The following PARD3B variants were observed in gnomAD, a reference collection of about 807,000 sequenced individuals.
PARD3B encodes partitioning defective 3 homolog B.
A neutral mutation model predicts 130.2 loss-of-function variants in PARD3B; 103 were observed. The observed-to-expected ratio is 0.79, with a 90% CI of 0.67 to 0.93. The LOEUF (loss-of-function observed/expected upper bound fraction) is 0.93. PARD3B is among the 40% of genes least tolerant of loss of function. PARD3B has a pLI of 0.00. For missense variants in PARD3B, 1,609 were observed against 1,499.2 expected (o/e 1.07, Z -1.21); for synonymous variants, 583 against 553.2 (o/e 1.05, Z -0.76).
At chr2:205,375,693 G>C (rs1243089687) in intron 18 of PARD3B, among the ~76,000 whole-genome samples, 1 of 152,174 alleles carries the variant, frequency 6.6e-6, no homozygotes, top group Non-Finnish European at 1.5e-5. Flanking sequence ...TGTAATTTAA[G>C]AGATTGTCTC....
chr2:204,885,416 C>T (rs1203895674), intron 2 of PARD3B, among the ~76,000 whole-genome samples: 3 of 152,092 alleles, frequency 2.0e-5, no homozygotes, highest in Non-Finnish European at 4.4e-5. Flanking sequence ...TTTTCCCATT[C>T]TGTAGGTTGT....
At chr2:205,221,190 T>G (rs1444016593) in intron 15 of PARD3B, among the ~76,000 whole-genome samples, 1 of 152,094 alleles carries the variant, frequency 6.6e-6, no homozygotes, top group Non-Finnish European at 1.5e-5. Context: ...GAGCTGGAGG[T>G]AGCTTTGGCC....
In PARD3B at chr2:205,615,767, G is replaced by A. The variant is rs201991047; in HGVS notation, c.3572G>A (p.Arg1191Gln). ...RGGSPDQYPYRTQDSRQKNPM... is the reference protein window; with the variant it reads ...RGGSPDQYPYQTQDSRQKNPM... ...GGCAGCCCAGACCAGTACCCTTACC[G>A]AACCCAGGATTCCCGGCAGAAGAAC... The change falls in exon 23 of 23, where the codon CGA becomes CAA. Residue 1191 changes from arginine to glutamine, a missense_variant. Physicochemically the swap from Arg to Gln is conservative, Grantham distance 43. Coordinates refer to ENST00000406610, the MANE Select transcript of PARD3B (RefSeq NM_001302769.2). The A allele has an allele frequency of 1.2e-4, 187 of 1,613,896 alleles. No individual in the cohort carries two copies. The highest frequency in any genetic ancestry group is 3.7e-4 in the South Asian group (34 of 91,040).
At position 205,352,797 on chromosome 2, in the gene PARD3B, C is replaced by T. The variant is rs1330720380; in HGVS notation, c.2631-48216C>T. 6.6e-6 allele frequency among the ~76,000 whole-genome samples: 1 copy of T among 152,228 alleles called. No homozygotes were observed. The highest frequency in any genetic ancestry group is 1.9e-4 in the East Asian group (1 of 5,166). On this transcript the variant is annotated intron_variant, in intron 18 of 22. Coordinates refer to ENST00000406610, the MANE Select transcript of PARD3B (RefSeq NM_001302769.2). This position sits in a 1 kb window ranked among gnomAD's most constrained non-coding sequence, Gnocchi z 5.2. ...TTCAGCCCCTGACTTGTTCCTGGGG[C>T]TGCTGATTCATCTGTTTTCATTGCT...
At chr2:204,572,882 A>G (rs777841855) in intron 1 of PARD3B, among the ~76,000 whole-genome samples, 1 of 152,208 alleles carries the variant, frequency 6.6e-6, no homozygotes, top group Admixed American at 6.5e-5. Flanking sequence ...GGTGCACATC[A>G]CTTATAAAGC....
intron 18 of PARD3B, among the ~76,000 whole-genome samples, chr2:205,335,246 C>T (rs1360356108): frequency 1.3e-5 from 2 of 152,162 alleles, no homozygotes; most frequent in African/African-American, 4.8e-5. Flanking sequence ...ACAGTTATGC[C>T]TGCCCCATCT....
chr2:205,406,129 A>G (rs2046409307), intron 19 of PARD3B, among the ~76,000 whole-genome samples: 1 of 152,204 alleles, frequency 6.6e-6, no homozygotes, highest in Non-Finnish European at 1.5e-5. Context: ...TACAGAATCA[A>G]GACTTTGTGG....
chr2:204,576,912 C>T (rs1414840417), intron 1 of PARD3B, among the ~76,000 whole-genome samples: 10 of 152,172 alleles, frequency 6.6e-5, no homozygotes, highest in Non-Finnish European at 1.5e-4. Flanking sequence ...ACTGCACAAT[C>T]AGAAACCGTG....
chr2:205,541,343 CTTTGTTTTTTTTTTTTTTT>C (rs1650064602), intron 21 of PARD3B, among the ~76,000 whole-genome samples: 1 of 113,270 alleles, frequency 8.8e-6, no homozygotes, highest in Non-Finnish European at 1.8e-5. Flanking sequence ...CTCACAGAAA[CTTTGTTTTTTTTTTTTTTT>C]TTTGAGACAG....
intron 1 of PARD3B, among the ~76,000 whole-genome samples, chr2:204,637,793 C>T (rs951679407): frequency 1.3e-5 from 2 of 150,794 alleles, no homozygotes; most frequent in Non-Finnish European, 2.9e-5. Context: ...GGGGTTTTAG[C>T]GTGTCCTTTT....
At chr2:204,712,290 C>T (rs1283345993) in intron 2 of PARD3B, among the ~76,000 whole-genome samples, 2 of 151,990 alleles carry the variant, frequency 1.3e-5, no homozygotes, top group African/African-American at 2.4e-5. Flanking sequence ...TTACCATTTC[C>T]AGGAACAGGT....
chr2:204,867,001 A>G (rs778587565), intron 2 of PARD3B, among the ~76,000 whole-genome samples: 3 of 152,112 alleles, frequency 2.0e-5, no homozygotes, highest in Non-Finnish European at 2.9e-5. Context: ...ACCAGGATGC[A>G]GAGGTTGCAA....
intron 20 of PARD3B, among the ~76,000 whole-genome samples, chr2:205,456,302 C>T (rs190753138): frequency 6.6e-6 from 1 of 152,136 alleles, no homozygotes; most frequent in Non-Finnish European, 1.5e-5. Context: ...ATGGCTATTA[C>T]AAACAGAGTT....
chr2:204,653,926 A>G (rs73984262), intron 1 of PARD3B, among the ~76,000 whole-genome samples: 4,720 of 151,272 alleles, frequency 0.031, 540 homozygotes, highest in African/African-American at 0.11. Flanking sequence ...AACGTACACT[A>G]TTTCCCCAGA....
intron 2 of PARD3B, among the ~76,000 whole-genome samples, chr2:204,937,974 G>A (rs968492387): frequency 6.6e-6 from 1 of 152,150 alleles, no homozygotes; most frequent in African/African-American, 2.4e-5. Context: ...AAAGAGCAGA[G>A]AACTTCTTGG....
intron 20 of PARD3B, among the ~76,000 whole-genome samples, chr2:205,489,143 A>G (rs2049566404): frequency 6.6e-6 from 1 of 152,162 alleles, no homozygotes; most frequent in African/African-American, 2.4e-5. Context: ...CTTTTTTAAG[A>G]AACCAAAATT....
At chr2:204,774,512 C>T (rs961326047) in intron 2 of PARD3B, among the ~76,000 whole-genome samples, 6 of 151,890 alleles carry the variant, frequency 4.0e-5, no homozygotes, top group Non-Finnish European at 1.5e-5. Flanking sequence ...TATTTTAGAC[C>T]CTTCTGATTG....
intron 3 of PARD3B, among the ~76,000 whole-genome samples, chr2:205,031,187 C>A (rs752895976): frequency 6.6e-6 from 1 of 152,152 alleles, no homozygotes; most frequent in Non-Finnish European, 1.5e-5. Context: ...ACTGGCATAT[C>A]TGAGAATTCA....
chr2:204,862,676 T>C lies in PARD3B; in HGVS notation c.223-102476T>C, dbSNP rs118023419. Among the ~76,000 whole-genome samples the C allele has an allele frequency of 3.5e-4, 54 of 152,302 alleles. No homozygotes were observed. In the East Asian group the frequency reaches 7.3e-3, roughly 21 times the overall value. On this transcript the variant is annotated intron_variant, in intron 2 of 22. Coordinates refer to ENST00000406610, the MANE Select transcript of PARD3B (RefSeq NM_001302769.2). ...AGAACCTCTCACTAGGACACTCACA[T>C]CTGTTCTTGTCACCAGAGCCTCACT...
Sources: gnomAD v4.1 joint callset for allele counts (sites outside exome capture counted in the v4.1 genomes callset) on GRCh38, gnomAD v4.1.1 for gene constraint, Gnocchi (gnomAD v3.1) non-coding constraint, MANE v1.5 for transcripts, NCBI Gene and HGNC (gene_info 2026-07-23, HGNC 2026-07-21) for gene names.